The following MDGA2 variants were observed in gnomAD, a reference collection of about 807,000 sequenced individuals.
MDGA2 encodes the protein MAM domain-containing glycosylphosphatidylinositol anchor protein 2.
In MDGA2, 40 loss-of-function variants were observed where a neutral mutation model predicts 117.8. The ratio of observed to expected loss-of-function variants is 0.34; its 90% CI spans 0.26 to 0.44. The LOEUF is 0.44. MDGA2 is among the 20% of genes least tolerant of loss of function. MDGA2 has a pLI of 1.00. For missense variants in MDGA2, 1,123 were observed against 1,250.6 expected (o/e 0.90, Z 1.54); for synonymous variants, 452 against 439.0 (o/e 1.03, Z -0.37).
chr14:47,622,440 T>C (rs1325399748), intron 1 of MDGA2, among the ~76,000 whole-genome samples: 2 of 152,208 alleles, frequency 1.3e-5, no homozygotes, highest in African/African-American at 2.4e-5. Flanking sequence ...AGAAAACACA[T>C]TGACTTGGAT....
chr14:47,286,243 C>T (rs1050384150), intron 2 of MDGA2, among the ~76,000 whole-genome samples: 17 of 152,050 alleles, frequency 1.1e-4, no homozygotes, highest in East Asian at 5.8e-4. Context: ...TCCCAATCTA[C>T]GGTTTGAATT....
At chr14:47,472,981 C>G (rs1241096047) in intron 1 of MDGA2, among the ~76,000 whole-genome samples, 2 of 151,952 alleles carry the variant, frequency 1.3e-5, no homozygotes, top group Non-Finnish European at 2.9e-5. Context: ...AGTTGTATAA[C>G]TGAGGGTTAG....
At chr14:47,518,836 C>T (rs1894808271) in intron 1 of MDGA2, among the ~76,000 whole-genome samples, 1 of 152,136 alleles carries the variant, frequency 6.6e-6, no homozygotes, top group South Asian at 2.1e-4. Context: ...AAGTGCTAGG[C>T]TATCATAATT....
chr14:47,457,431 T>C (rs1893378696), intron 1 of MDGA2, among the ~76,000 whole-genome samples: 2 of 152,160 alleles, frequency 1.3e-5, no homozygotes, highest in African/African-American at 4.8e-5. Context: ...AAAATACAAT[T>C]GAGAATTAAG....
intron 6 of MDGA2, among the ~76,000 whole-genome samples, chr14:47,090,287 T>C (rs1404979262): frequency 2.0e-5 from 3 of 152,132 alleles, no homozygotes; most frequent in Non-Finnish European, 2.9e-5. Context: ...TCATGCCTCA[T>C]TGAATACATA....
chr14:47,404,375 G>A (rs977758132), intron 1 of MDGA2, among the ~76,000 whole-genome samples: 17 of 151,942 alleles, frequency 1.1e-4, no homozygotes, highest in African/African-American at 4.1e-4. Context: ...TAGTAGAGAT[G>A]GGGTTTCACC....
At chr14:46,912,763 T>C (rs1418351112) in intron 10 of MDGA2, among the ~76,000 whole-genome samples, 1 of 152,200 alleles carries the variant, frequency 6.6e-6, no homozygotes, top group Non-Finnish European at 1.5e-5. Context: ...GGTACCCTTA[T>C]TTTACAGAAC....
In MDGA2 at chr14:47,406,390, T is replaced by G. The variant is rs537759441; in HGVS notation, c.281-104840A>C. Among the ~76,000 whole-genome samples the G allele has an allele frequency of 1.2e-4, 19 of 152,152 alleles. 2 individuals are homozygous for G. The highest frequency in any genetic ancestry group is 4.6e-4 in the African/African-American group (19 of 41,554). On this transcript the variant is annotated intron_variant, in intron 1 of 16. Transcript: ENST00000399232. ...AATGTAGTACAAGTGACTGACAATATGGTAACTATGTACTTAATTATGGTA... is the reference window on the plus strand; with the variant it reads ...AATGTAGTACAAGTGACTGACAATAGGGTAACTATGTACTTAATTATGGTA...
At chr14:46,894,616 T>C (rs765097549) in intron 10 of MDGA2, among the ~76,000 whole-genome samples, 8 of 152,190 alleles carry the variant, frequency 5.3e-5, no homozygotes, top group Non-Finnish European at 1.2e-4. Flanking sequence ...CCAGTGGATG[T>C]GTGCTTTGGT....
At chr14:46,948,440 C>A (rs567721526) in intron 9 of MDGA2, among the ~76,000 whole-genome samples, 4 of 152,030 alleles carry the variant, frequency 2.6e-5, no homozygotes, top group African/African-American at 4.8e-5. Context: ...TTACCATTCT[C>A]TATCTTCTCT....
chr14:47,485,174 G>A (rs928841443), intron 1 of MDGA2, among the ~76,000 whole-genome samples: 3 of 152,158 alleles, frequency 2.0e-5, no homozygotes, highest in Admixed American at 2.0e-4. Flanking sequence ...GAATAATGCT[G>A]ATAGTGATAT....
At chr14:47,447,017 T>C (rs1313809551) in intron 1 of MDGA2, among the ~76,000 whole-genome samples, 1 of 152,106 alleles carries the variant, frequency 6.6e-6, no homozygotes, top group Non-Finnish European at 1.5e-5. Context: ...AGAAAACAAC[T>C]TATTTTTTTC....
intron 10 of MDGA2, among the ~76,000 whole-genome samples, chr14:46,901,422 C>T (rs1020260562): frequency 2.2e-4 from 34 of 152,042 alleles, no homozygotes; most frequent in Admixed American, 3.9e-4. Context: ...GATGGAAAAT[C>T]GGACTGGCAT....
intron 6 of MDGA2, among the ~76,000 whole-genome samples, chr14:47,074,970 T>C (rs1266067231): frequency 1.3e-5 from 2 of 152,184 alleles, no homozygotes; most frequent in African/African-American, 4.8e-5. Context: ...TACTTTAAGG[T>C]ATGTCTGATC....
chr14:47,098,658 T>C (rs1022009470), intron 5 of MDGA2, among the ~76,000 whole-genome samples: 2 of 151,910 alleles, frequency 1.3e-5, no homozygotes, highest in Non-Finnish European at 2.9e-5. Context: ...AAAATCTCTA[T>C]ACCCTGACTT....
intron 16 of MDGA2, among the ~76,000 whole-genome samples, chr14:46,845,328 A>T (rs1055419021): frequency 2.0e-5 from 3 of 152,192 alleles, no homozygotes; most frequent in Non-Finnish European, 4.4e-5. Flanking sequence ...ACTGTGAGTC[A>T]ATTAAATCTC....
At chr14:47,453,685 T>C (rs1358495713) in intron 1 of MDGA2, among the ~76,000 whole-genome samples, 1 of 152,200 alleles carries the variant, frequency 6.6e-6, no homozygotes, top group East Asian at 1.9e-4. Context: ...AAAGATCTTA[T>C]GGATATTAGT....
intron 5 of MDGA2, among the ~76,000 whole-genome samples, chr14:47,098,181 C>T (rs1880087961): frequency 6.9e-6 from 1 of 144,648 alleles, no homozygotes. Context: ...AATATATTAA[C>T]TTCAGCTTAG....
At chr14:47,589,568 T>C (rs2138856532) in intron 1 of MDGA2, among the ~76,000 whole-genome samples, 1 of 152,086 alleles carries the variant, frequency 6.6e-6, no homozygotes, top group South Asian at 2.1e-4. Flanking sequence ...ATTACTGCAG[T>C]TTTGTAGTAA....
Sources: allele counts gnomAD v4.1 joint callset (sites outside exome capture counted in the v4.1 genomes callset), GRCh38; gene constraint gnomAD v4.1.1; transcripts MANE v1.5; gene names NCBI Gene and HGNC (gene_info 2026-07-23, HGNC 2026-07-21).